The following PTPRG variants were observed in gnomAD, a reference collection of about 807,000 sequenced individuals.
The protein encoded by PTPRG is receptor-type tyrosine-protein phosphatase gamma.
In PTPRG, 102 loss-of-function variants were observed where a neutral mutation model predicts 165.3. The ratio of observed to expected loss-of-function variants is 0.62; its 90% CI spans 0.53 to 0.73. The LOEUF (loss-of-function observed/expected upper bound fraction) is 0.73, where lower values mean the gene tolerates loss of function less well. Ranked by LOEUF, PTPRG falls within the 30% of genes least tolerant of loss-of-function variation. PTPRG has a pLI of 0.00. For missense variants in PTPRG, 1,866 were observed against 1,861.4 expected (o/e 1.00, Z -0.05); for synonymous variants, 675 against 669.5 (o/e 1.01, Z -0.13).
chr3:62,192,662 C>T (rs182778403), intron 9 of PTPRG, among the ~76,000 whole-genome samples: 15 of 152,092 alleles, frequency 9.9e-5, no homozygotes, highest in African/African-American at 1.9e-4. Context: ...CCGCCCACCT[C>T]GGCCTCCCAA....
At chr3:61,973,058 C>T (rs950362940) in intron 2 of PTPRG, among the ~76,000 whole-genome samples, 1 of 152,080 alleles carries the variant, frequency 6.6e-6, no homozygotes, top group East Asian at 1.9e-4. Context: ...GCTGTCCTGC[C>T]GAGACACTTG....
At chr3:61,965,488 A>T (rs1463869910) in intron 2 of PTPRG, among the ~76,000 whole-genome samples, 2 of 79,816 alleles carry the variant, frequency 2.5e-5, no homozygotes, top group Non-Finnish European at 5.0e-5. Context: ...ACTCCGTCTC[A>T]AAAAAAAAAA....
chr3:61,989,513 C>T (rs767252265), intron 2 of PTPRG, 112 bp from the exon 3 acceptor site: 2 of 999,048 alleles, frequency 2.0e-6, no homozygotes, highest in East Asian at 2.4e-5. Flanking sequence ...GTACATTCAC[C>T]TCTTTGGATT....
At chr3:61,779,065 C>T (rs1314318482) in intron 2 of PTPRG, among the ~76,000 whole-genome samples, 10 of 152,168 alleles carry the variant, frequency 6.6e-5, no homozygotes, top group Non-Finnish European at 1.2e-4. Flanking sequence ...TACACACACA[C>T]AGACACACAC....
At chr3:62,171,202 G>A (rs1289163101) in intron 8 of PTPRG, among the ~76,000 whole-genome samples, 2 of 152,090 alleles carry the variant, frequency 1.3e-5, no homozygotes, top group Admixed American at 1.3e-4. Flanking sequence ...TCAAGTCTGG[G>A]TGATTACGAA....
At chr3:62,133,140 T>C (rs1703578582) in intron 6 of PTPRG, among the ~76,000 whole-genome samples, 1 of 152,234 alleles carries the variant, frequency 6.6e-6, no homozygotes, top group South Asian at 2.1e-4. Flanking sequence ...TGTTCTGTGC[T>C]GCAGATCTCT....
intron 4 of PTPRG, among the ~76,000 whole-genome samples, chr3:62,010,752 A>G (rs2041402981): frequency 6.6e-6 from 1 of 152,222 alleles, no homozygotes. Flanking sequence ...ATCTTGTTTT[A>G]TCATTAGAAC....
At chr3:61,639,484 T>C (rs1364594388) in intron 1 of PTPRG, among the ~76,000 whole-genome samples, 1 of 152,220 alleles carries the variant, frequency 6.6e-6, no homozygotes, top group Non-Finnish European at 1.5e-5. Context: ...GTGTTAAATC[T>C]GTACATTGCT....
At chr3:61,638,090 T>C (rs1329718761) in intron 1 of PTPRG, among the ~76,000 whole-genome samples, 1 of 152,200 alleles carries the variant, frequency 6.6e-6, no homozygotes, top group Non-Finnish European at 1.5e-5. Flanking sequence ...TTGTTAACTC[T>C]TCAACTGCTG....
intron 2 of PTPRG, among the ~76,000 whole-genome samples, chr3:61,886,091 AGAG>A (rs1176308426): frequency 6.6e-6 from 1 of 151,986 alleles, no homozygotes; most frequent in Non-Finnish European, 1.5e-5. Flanking sequence ...GGAGAAAGAG[AGAG>A]GAGAACCTAT....
At position 62,224,207 on chromosome 3, in the gene PTPRG, G is replaced by A. The variant is rs1019206113; in HGVS notation, c.2288+5224G>A. 1.3e-5 allele frequency among the ~76,000 whole-genome samples: 2 copies of A among 152,158 alleles called. No individual in the cohort carries two copies. Among genetic ancestry groups the A allele is most frequent in the African/African-American group, 4.8e-5 (2 of 41,434 alleles). ...CAGGAAACAACTCTGAAGCCCAGTG[G>A]CCAGCCTCATTAATTCCAGGTTGGC... On this transcript the variant is annotated intron_variant, in intron 13 of 29. Transcript: ENST00000474889. The surrounding 1 kb of genome is among the most constrained non-coding windows in gnomAD (Gnocchi z 4.9).
At chr3:61,935,763 A>G (rs2039471028) in intron 2 of PTPRG, among the ~76,000 whole-genome samples, 1 of 150,734 alleles carries the variant, frequency 6.6e-6, no homozygotes, top group Non-Finnish European at 1.5e-5. Flanking sequence ...CATCATATAT[A>G]TAAAGTATGT....
At chr3:61,609,881 T>C (rs998400949) in intron 1 of PTPRG, among the ~76,000 whole-genome samples, 2 of 152,058 alleles carry the variant, frequency 1.3e-5, no homozygotes, top group Admixed American at 1.3e-4. Flanking sequence ...TTTTGTTTTC[T>C]TATTTCTATC....
intron 1 of PTPRG, among the ~76,000 whole-genome samples, chr3:61,698,799 A>C (rs909643170): frequency 6.6e-6 from 1 of 152,208 alleles, no homozygotes; most frequent in African/African-American, 2.4e-5. Flanking sequence ...TTATAAAAGA[A>C]TATATGTGGC....
chr3:61,948,816 C>T (rs1050339161), intron 2 of PTPRG, among the ~76,000 whole-genome samples: 11 of 152,130 alleles, frequency 7.2e-5, no homozygotes, highest in Non-Finnish European at 1.5e-4. Flanking sequence ...AGAATGCAGT[C>T]ATGATACTGT....
At chr3:61,655,732 T>C (rs903682915) in intron 1 of PTPRG, among the ~76,000 whole-genome samples, 1 of 152,272 alleles carries the variant, frequency 6.6e-6, no homozygotes. Context: ...CAGCCTTCCC[T>C]GTAGCCAGGA....
In PTPRG at chr3:62,297,595, A is replaced by C. The variant is rs1410305406; in HGVS notation, c.*4288A>C. 6.6e-6 allele frequency: 1 copy of C among 152,004 alleles called. No homozygotes were observed. The highest frequency in any genetic ancestry group is 1.5e-5 in the Non-Finnish European group (1 of 67,966). 9.4% of individuals were successfully genotyped at this position (152,004 alleles called of 1,614,324 possible). A position where few individuals can be genotyped will look rare whatever the true frequency, so the allele number is the denominator to read the frequency against. On this transcript the variant is annotated 3_prime_UTR_variant, in exon 30 of 30. Transcript: ENST00000474889. ...TGTATTGCTATACATAAAATAAAGT[A>C]TGGTTTTTGATGTATTCAGTAGTGT...
At chr3:62,140,116 C>T (rs1429664346) in intron 6 of PTPRG, among the ~76,000 whole-genome samples, 4 of 152,184 alleles carry the variant, frequency 2.6e-5, no homozygotes, top group African/African-American at 4.8e-5. Context: ...ACCAGCCACA[C>T]ATTCACTGTT....
intron 1 of PTPRG, among the ~76,000 whole-genome samples, chr3:61,580,870 G>A (rs1162486861): frequency 6.6e-6 from 1 of 152,196 alleles, no homozygotes; most frequent in Admixed American, 6.5e-5. Flanking sequence ...GGTCTGCAGA[G>A]GGCATGTTAG....
Sources: gnomAD v4.1 joint callset for allele counts (sites outside exome capture counted in the v4.1 genomes callset) on GRCh38, gnomAD v4.1.1 for gene constraint, Gnocchi (gnomAD v3.1) non-coding constraint, MANE v1.5 for transcripts, NCBI Gene and HGNC (gene_info 2026-07-23, HGNC 2026-07-21) for gene names.